Variants in COL6A5 observed in about 807,000 individuals in gnomAD.
The protein encoded by COL6A5 is collagen alpha-5(VI) chain.
In COL6A5, 48 loss-of-function variants were observed where a neutral mutation model predicts 65.6. That is an observed-to-expected ratio of 0.73 (90% CI 0.58 to 0.93). The LOEUF (loss-of-function observed/expected upper bound fraction) is 0.93, where lower values mean the gene tolerates loss of function less well. Ranked by LOEUF, COL6A5 falls within the 40% of genes least tolerant of loss-of-function variation. The pLI is 0.00. For synonymous variants in COL6A5, 291 were observed against 322.8 expected, an observed-to-expected ratio of 0.90 and a Z score of 1.05; for missense variants, 914 against 928.3, an observed-to-expected ratio of 0.98 and a Z score of 0.20.
At chr3:130,422,608 A>G (rs976325) in intron 27 of COL6A5, 112 bp from the exon 28 acceptor site, 104,776 of 670,826 alleles carry the variant, frequency 0.16, 8,948 homozygotes, top group East Asian at 0.24. Context: ...ATTGGCCTTC[A>G]TTAATGTATG....
intron 4 of COL6A5, among the ~76,000 whole-genome samples, chr3:130,444,463 G>C (rs1709261305): frequency 6.6e-6 from 1 of 152,120 alleles, no homozygotes; most frequent in Non-Finnish European, 1.5e-5. Flanking sequence ...TTAATTTGGG[G>C]GAACTAATAA....
intron 27 of COL6A5, 60 bp downstream of exon 27, chr3:130,421,420 G>C: frequency 2.0e-6 from 3 of 1,481,906 alleles, no homozygotes; most frequent in Middle Eastern, 1.7e-4. Flanking sequence ...TGAGAACTGA[G>C]ATAAACCTGT....
At chr3:130,461,083 G>C (rs819076) in intron 5 of COL6A5, among the ~76,000 whole-genome samples, 129,756 of 152,046 alleles carry the variant, frequency 0.85, 56,329 homozygotes, top group Non-Finnish European at 0.94. Context: ...ATGTCTTTGG[G>C]TCCTGTTCTG....
intron 7 of COL6A5, among the ~76,000 whole-genome samples, chr3:130,482,448 C>A (rs1008538230): frequency 2.0e-5 from 3 of 152,086 alleles, no homozygotes; most frequent in Non-Finnish European, 4.4e-5. Flanking sequence ...GTTACTGTAG[C>A]CTTGTAGTAT....
intron 3 of COL6A5, among the ~76,000 whole-genome samples, chr3:130,378,066 G>A (rs549763574): frequency 6.6e-6 from 1 of 152,198 alleles, no homozygotes; most frequent in Middle Eastern, 3.4e-3. Context: ...CTTATCTCTT[G>A]GCTATGCTTT....
chr3:130,435,200 C>A (rs1937989285), intron 1 of COL6A5, among the ~76,000 whole-genome samples: 1 of 152,168 alleles, frequency 6.6e-6, no homozygotes, highest in Non-Finnish European at 1.5e-5. Flanking sequence ...ATAGGAGATC[C>A]TTTCCCCATT....
intron 6 of COL6A5, 92 bp from the exon 39 acceptor site, chr3:130,470,779 A>T: frequency 2.3e-6 from 2 of 871,604 alleles, no homozygotes; most frequent in Non-Finnish European, 3.7e-6. Flanking sequence ...TCTTGAAAAC[A>T]CTGCCAACCA....
At chr3:130,447,777 C>T (rs756497207) in intron 4 of COL6A5, among the ~76,000 whole-genome samples, 1 of 152,038 alleles carries the variant, frequency 6.6e-6, no homozygotes, top group Admixed American at 6.6e-5. Context: ...TTAACTCCGC[C>T]GTTTGAGCAG....
chr3:130,457,235 G>C (rs1709593844), intron 5 of COL6A5, among the ~76,000 whole-genome samples: 1 of 152,054 alleles, frequency 6.6e-6, no homozygotes, highest in Non-Finnish European at 1.5e-5. Context: ...AAGAGAAGAA[G>C]AGGTGTTTTG....
rs746352665 is a variant in COL6A5 at position 130,409,311 on chromosome 3, T to C, written c.4480-15T>C. On this transcript the variant is annotated splice_polypyrimidine_tract_variant and intron_variant and NMD_transcript_variant, in intron 17 of 41. Transcript: ENST00000312481. ...TCCTACAAGCTAACTCAGAAATTCA[T>C]TTCATTTTTTTCAGGGCAGCCCAGG... is the stretch of plus-strand genomic sequence containing the variant. The C allele has an allele frequency of 7.7e-5, 118 of 1,533,576 alleles. No homozygotes were observed. The highest frequency in any genetic ancestry group is 1.0e-4 in the Non-Finnish European group (116 of 1,140,234). 95.0% of individuals were successfully genotyped at this position (1,533,576 alleles called of 1,614,324 possible).
At chr3:130,385,668 G>GGT (rs143147970) in intron 5 of COL6A5, among the ~76,000 whole-genome samples, 10 of 151,684 alleles carry the variant, frequency 6.6e-5, no homozygotes, top group South Asian at 4.2e-4. Flanking sequence ...CTGCATGGGA[G>GGT]GTGTGTGTGT....
chr3:130,392,158 GT>G (rs1936426392), intron 7 of COL6A5, among the ~76,000 whole-genome samples: 1 of 152,176 alleles, frequency 6.6e-6, no homozygotes, highest in African/African-American at 2.4e-5. Context: ...AAGTTTCATG[GT>G]TTAAATGGAT....
rs115715139 is a variant in COL6A5, at chr3:130,453,920, G to A, written c.1333-1535G>A. The stretch of plus-strand genomic sequence containing the variant: ...TTACTTGGTAATTTTACAGGGAAGC[G>A]TCTAGCAGCCAACACCTTCTGAAGG... On this transcript the variant is annotated intron_variant, in intron 4 of 7. Coordinates refer to ENST00000512836, the Ensembl canonical transcript of COL6A5. 5.6e-3 allele frequency among the ~76,000 whole-genome samples: 854 copies of A among 152,268 alleles called. 2 individuals are homozygous for A. Among genetic ancestry groups the A allele is most frequent in the South Asian group, 0.023 (109 of 4,822 alleles).
chr3:130,393,350 C>T (rs1936471568), intron 7 of COL6A5, among the ~76,000 whole-genome samples: 1 of 152,088 alleles, frequency 6.6e-6, no homozygotes. Flanking sequence ...AGTTTCCTGG[C>T]CCAAAACCTG....
At chr3:130,361,940 T>A (rs1293424273) in intron 1 of COL6A5, among the ~76,000 whole-genome samples, 1 of 152,134 alleles carries the variant, frequency 6.6e-6, no homozygotes, top group Non-Finnish European at 1.5e-5. Context: ...TCTTTGTATA[T>A]TTTGGGTAAT....
At chr3:130,373,677 G>T in exon 2 of COL6A5, 1 of 1,543,150 alleles carries the variant, frequency 6.5e-7, no homozygotes, top group Admixed American at 2.0e-5. Context: ...TAATCATTTG[G>T]ACTGAAACAT....
At chr3:130,481,865 A>C (rs1710253575) in intron 7 of COL6A5, among the ~76,000 whole-genome samples, 1 of 152,072 alleles carries the variant, frequency 6.6e-6, no homozygotes. Context: ...GTGTCTGCTC[A>C]TATCCTTTGC....
At chr3:130,393,413 G>T (rs1048657789) in intron 7 of COL6A5, among the ~76,000 whole-genome samples, 1 of 152,088 alleles carries the variant, frequency 6.6e-6, no homozygotes, top group Non-Finnish European at 1.5e-5. Flanking sequence ...TTTTCCAGGT[G>T]GTAGCACTTG....
Position 130,397,683 on chromosome 3 carries a change from C to CTCT in COL6A5, c.3669_3670insTCT (p.Gly1223_Ile1224insSer), listed in dbSNP as rs765940340. The CTCT allele has an allele frequency of 1.1e-3, 1,651 of 1,551,622 alleles. 1 individual carries two copies. Among genetic ancestry groups the CTCT allele is most frequent in the Non-Finnish European group, 1.4e-3 (1,578 of 1,147,024 alleles). On this transcript the variant is annotated inframe_insertion and NMD_transcript_variant, in exon 9 of 42. Transcript: ENST00000312481. ...CCCAGCTGGAATCCTACCTCCCAGG[C>CTCT]ATCTTAGAAGACATCAGCTCTATCA...
Sources: gnomAD v4.1 joint callset for allele counts (sites outside exome capture counted in the v4.1 genomes callset) on GRCh38, gnomAD v4.1.1 for gene constraint, MANE v1.5 for transcripts, NCBI Gene and HGNC (gene_info 2026-07-23, HGNC 2026-07-21) for gene names.